Variants in HDAC8 observed in about 807,000 individuals in gnomAD.
HDAC8 encodes the protein histone deacetylase 8.
HDAC8 carries 1 observed loss-of-function variant against 32.2 expected under a neutral mutation model. The observed-to-expected ratio is 0.03, with a 90% CI of 0.01 to 0.15. The LOEUF (loss-of-function observed/expected upper bound fraction) is 0.15, where lower values mean the gene tolerates loss of function less well. HDAC8 is among the 10% of genes least tolerant of loss of function. HDAC8 has a pLI of 1.00. For synonymous variants in HDAC8, 108 were observed against 113.9 expected (o/e 0.95, Z 0.33); for missense variants, 117 against 300.0 (o/e 0.39, Z 4.51).
intron 9 of HDAC8, among the ~76,000 whole-genome samples, chrX:72,408,317 A>T (rs782582926): frequency 3.6e-5 from 4 of 112,021 alleles, no homozygotes; most frequent in Admixed American, 9.5e-5. Flanking sequence ...TGGTTAGAGT[A>T]AGTCTCATTG....
chrX:72,403,769 G>A (rs1338179413), intron 9 of HDAC8, among the ~76,000 whole-genome samples: 3 of 111,848 alleles, frequency 2.7e-5, no homozygotes, highest in Non-Finnish European at 5.6e-5. Flanking sequence ...GGAGGTTGCA[G>A]TGAGCTGAGA....
At chrX:72,338,611 T>C (rs1338321707) in intron 10 of HDAC8, among the ~76,000 whole-genome samples, 1 of 103,444 alleles carries the variant, frequency 9.7e-6, no homozygotes, top group African/African-American at 3.5e-5. Flanking sequence ...TTTTTATATC[T>C]ACTTAACAGC....
At chrX:72,451,495 C>T (rs2047570207) in intron 9 of HDAC8, among the ~76,000 whole-genome samples, 1 of 112,220 alleles carries the variant, frequency 8.9e-6, no homozygotes, top group South Asian at 3.7e-4. Flanking sequence ...CCGTGCCTAG[C>T]CCACAGTAAA....
chrX:72,366,106 C>T (rs1418006145), intron 9 of HDAC8, among the ~76,000 whole-genome samples: 7 of 112,134 alleles, frequency 6.2e-5, no homozygotes, highest in African/African-American at 1.9e-4. Flanking sequence ...GCAATCCAGA[C>T]GGAAGACAAA....
intron 9 of HDAC8, among the ~76,000 whole-genome samples, chrX:72,407,972 C>T (rs1362048663): frequency 9.0e-6 from 1 of 111,612 alleles, no homozygotes; most frequent in African/African-American, 3.3e-5. Flanking sequence ...TTTCAAGGCC[C>T]ATGGCAAGCA....
At chrX:72,394,545 T>A (rs2045706246) in intron 9 of HDAC8, among the ~76,000 whole-genome samples, 1 of 112,337 alleles carries the variant, frequency 8.9e-6, no homozygotes, top group African/African-American at 3.2e-5. Flanking sequence ...ATAGGCAGCG[T>A]ACACTCCTAT....
At chrX:72,571,553 C>CTTTTTTTTTTT (rs782331910) in intron 2 of HDAC8, among the ~76,000 whole-genome samples, 71 of 30,439 alleles carry the variant, frequency 2.3e-3, no homozygotes, top group South Asian at 4.3e-3. Context: ...TTCTTTCTTT[C>CTTTTTTTTTTT]TTTTTTTTTT....
chrX:72,402,955 A>G (rs1352294958), intron 9 of HDAC8, among the ~76,000 whole-genome samples: 3 of 111,890 alleles, frequency 2.7e-5, no homozygotes, highest in African/African-American at 9.7e-5. Context: ...TCATATTAGT[A>G]TAGCCACTCC....
chrX:72,337,195 T>G (rs1429497559), intron 10 of HDAC8, among the ~76,000 whole-genome samples: 1 of 112,496 alleles, frequency 8.9e-6, no homozygotes, highest in African/African-American at 3.2e-5. Flanking sequence ...CTCTTAATCT[T>G]TTTAATGTGG....
At chrX:72,569,814 C>A (rs1471341348) in intron 2 of HDAC8, among the ~76,000 whole-genome samples, 1 of 112,313 alleles carries the variant, frequency 8.9e-6, no homozygotes, top group Non-Finnish European at 1.9e-5. Flanking sequence ...GGTCCATAGA[C>A]CAGGAGCATC....
chrX:72,501,770 T>C (rs1441204647), intron 4 of HDAC8, among the ~76,000 whole-genome samples: 1 of 112,058 alleles, frequency 8.9e-6, no homozygotes, highest in East Asian at 2.8e-4. Context: ...AGTTGACAAA[T>C]GGGATCTAAT....
At chrX:72,483,571 T>C (rs1271661636) in intron 7 of HDAC8, among the ~76,000 whole-genome samples, 1 of 111,278 alleles carries the variant, frequency 9.0e-6, no homozygotes, top group Non-Finnish European at 1.9e-5. Flanking sequence ...TAACCTCTTA[T>C]TATTTATAAA....
chrX:72,349,344 C>T (rs1555948005), intron 10 of HDAC8, among the ~76,000 whole-genome samples: 1 of 112,523 alleles, frequency 8.9e-6, no homozygotes. Flanking sequence ...GAGGTCGATA[C>T]TGCATTAGCA....
chrX:72,381,722 A>G (rs1555959955), intron 9 of HDAC8, among the ~76,000 whole-genome samples: 1 of 112,421 alleles, frequency 8.9e-6, no homozygotes, highest in African/African-American at 3.2e-5. Flanking sequence ...AACATTCATC[A>G]TGCTCAGATT....
At chrX:72,441,832 G>A (rs1317602206) in intron 9 of HDAC8, among the ~76,000 whole-genome samples, 1 of 111,885 alleles carries the variant, frequency 8.9e-6, no homozygotes. Flanking sequence ...ATACAGAGAA[G>A]TGTTTAAAGG....
intron 4 of HDAC8, among the ~76,000 whole-genome samples, chrX:72,566,087 C>T (rs2051774488): frequency 9.1e-6 from 1 of 110,199 alleles, no homozygotes; most frequent in South Asian, 3.9e-4. Flanking sequence ...TTCGAGACTG[C>T]AGTGAGCTAT....
intron 4 of HDAC8, among the ~76,000 whole-genome samples, chrX:72,504,839 C>A (rs1281294344): frequency 9.0e-6 from 1 of 111,457 alleles, no homozygotes; most frequent in East Asian, 2.8e-4. Flanking sequence ...GCTTCAATTT[C>A]TCCACGTCCT....
At chrX:72,402,408 C>A (rs1397305374) in intron 9 of HDAC8, among the ~76,000 whole-genome samples, 1 of 79,929 alleles carries the variant, frequency 1.3e-5, no homozygotes, top group African/African-American at 6.2e-5. Flanking sequence ...TTAGTGTGTT[C>A]TTTTCTTTTT....
chrX:72,568,684 A>T lies in HDAC8; in HGVS notation c.295+70T>A, dbSNP rs561933564. 661 of 1,121,230 alleles carry T rather than the reference A, an allele frequency of 5.9e-4. 4 individuals carry two copies. The South Asian group carries it at 7.0e-3, about 12-fold the overall frequency. 92.4% of individuals were successfully genotyped at this position (1,121,230 alleles called of 1,213,427 possible). On this transcript the variant is annotated intron_variant, in intron 3 of 10. Transcript: ENST00000373573. ...ACATGATTTCTTAACGAAAAATATT[A>T]AAAAAATCATACAAGTTATAAAAAA...
Sources: allele counts gnomAD v4.1 joint callset (sites outside exome capture counted in the v4.1 genomes callset), GRCh38; gene constraint gnomAD v4.1.1; transcripts MANE v1.5; gene names NCBI Gene and HGNC (gene_info 2026-07-23, HGNC 2026-07-21).